The following MAP3K20 variants were observed in gnomAD, a reference collection of about 807,000 sequenced individuals.
MAP3K20 encodes mitogen-activated protein kinase kinase kinase 20.
In MAP3K20, 40 loss-of-function variants were observed where a neutral mutation model predicts 85.7. The observed-to-expected ratio is 0.47, with a 90% CI of 0.36 to 0.61. The LOEUF (loss-of-function observed/expected upper bound fraction) is 0.61, where lower values mean the gene tolerates loss of function less well. Among genes scored for constraint, MAP3K20 ranks in the 20% least tolerant of loss-of-function variants. The probability of loss-of-function intolerance (pLI) is 0.00; values close to 1 mark genes in which losing one functional copy is unlikely to be tolerated. For synonymous variants in MAP3K20, 325 were observed against 327.7 expected (o/e 0.99, Z 0.09); for missense variants, 817 against 961.7 (o/e 0.85, Z 1.99).
At chr2:173,140,058 C>T (rs567145302) in intron 2 of MAP3K20, among the ~76,000 whole-genome samples, 1 of 152,276 alleles carries the variant, frequency 6.6e-6, no homozygotes, top group South Asian at 2.1e-4. Flanking sequence ...GTTGCCCAGG[C>T]AGGAGTGCAA....
intron 2 of MAP3K20, among the ~76,000 whole-genome samples, chr2:173,100,074 G>A (rs1359024243): frequency 6.6e-6 from 1 of 152,210 alleles, no homozygotes; most frequent in African/African-American, 2.4e-5. Flanking sequence ...GGGATCAGAT[G>A]CCACATATAC....
At chr2:173,169,676 C>T in intron 2 of MAP3K20, 129 bp from the exon 3 acceptor site, 3 of 833,010 alleles carry the variant, frequency 3.6e-6, no homozygotes, top group Non-Finnish European at 1.8e-6. Context: ...GCCAAGATCA[C>T]ACCACTGTAC....
chr2:173,261,209 A>G (rs568788606), intron 18 of MAP3K20, 72 bp downstream of exon 18: 66 of 1,508,144 alleles, frequency 4.4e-5, no homozygotes, highest in Admixed American at 7.0e-5. Flanking sequence ...GTTATCTCAG[A>G]GCATATAATT....
chr2:173,120,372 C>T (rs944384462), intron 2 of MAP3K20, among the ~76,000 whole-genome samples: 2 of 151,948 alleles, frequency 1.3e-5, no homozygotes, highest in East Asian at 1.9e-4. Flanking sequence ...CTAGGAGTCA[C>T]CCCATGAACC....
intron 1 of MAP3K20, among the ~76,000 whole-genome samples, chr2:173,089,824 C>T (rs532434623): frequency 2.6e-4 from 40 of 152,220 alleles, no homozygotes; most frequent in African/African-American, 9.1e-4. Context: ...CCACCTGCCT[C>T]GGCCTCCCAA....
intron 16 of MAP3K20, among the ~76,000 whole-genome samples, chr2:173,241,494 T>G (rs1370633216): frequency 6.6e-6 from 1 of 151,960 alleles, no homozygotes; most frequent in Non-Finnish European, 1.5e-5. Flanking sequence ...AAGCCTGTAG[T>G]CCTAGCTACT....
chr2:173,156,053 ACTTTC>A (rs921698795), intron 2 of MAP3K20, among the ~76,000 whole-genome samples: 4 of 152,222 alleles, frequency 2.6e-5, no homozygotes, highest in Non-Finnish European at 5.9e-5. Context: ...ACCCTGGTGT[ACTTTC>A]CTTCTTGCTG....
At chr2:173,261,992 G>A (rs1221074364) in intron 18 of MAP3K20, among the ~76,000 whole-genome samples, 1 of 151,290 alleles carries the variant, frequency 6.6e-6, no homozygotes, top group African/African-American at 2.4e-5. Context: ...ACTCCAGCCT[G>A]GGTGAGACAG....
intron 15 of MAP3K20, 118 bp downstream of exon 15, chr2:173,238,553 ATCTG>A: frequency 1.1e-6 from 1 of 916,304 alleles, no homozygotes. Flanking sequence ...ATTTCATCAT[ATCTG>A]TCTAACAAAA....
At chr2:173,207,194 A>AG (rs1352107452) in intron 9 of MAP3K20, among the ~76,000 whole-genome samples, 1 of 152,176 alleles carries the variant, frequency 6.6e-6, no homozygotes, top group East Asian at 1.9e-4. Flanking sequence ...ATTTCTAAAT[A>AG]GGGAAAAAAA....
chr2:173,238,792 A>G (rs200705553), intron 15 of MAP3K20, among the ~76,000 whole-genome samples: 6 of 152,220 alleles, frequency 3.9e-5, no homozygotes, highest in East Asian at 1.9e-4. Context: ...TCGATCGTCA[A>G]CTTTCATAGG....
At chr2:173,221,211 A>C in intron 11 of MAP3K20, 1 of 1,597,432 alleles carries the variant, frequency 6.3e-7, no homozygotes, top group Non-Finnish European at 8.6e-7. Context: ...AAAACAGAGG[A>C]GTCAAACAGT....
chr2:173,250,694 T>C (rs1162411902), intron 16 of MAP3K20, among the ~76,000 whole-genome samples: 2 of 152,226 alleles, frequency 1.3e-5, no homozygotes, highest in Non-Finnish European at 2.9e-5. Context: ...TGTACATCAT[T>C]ATGAGACATT....
intron 4 of MAP3K20, among the ~76,000 whole-genome samples, chr2:173,187,113 T>A (rs901646475): frequency 6.6e-6 from 1 of 152,160 alleles, no homozygotes; most frequent in African/African-American, 2.4e-5. Flanking sequence ...ACCATAGACA[T>A]CCAGAACTTC....
chr2:173,226,456 A>G, intron 11 of MAP3K20: 16 of 985,608 alleles, frequency 1.6e-5, no homozygotes, highest in Non-Finnish European at 1.8e-5. Flanking sequence ...TTTGAGTAAG[A>G]CTGTTTTCCT....
intron 2 of MAP3K20, among the ~76,000 whole-genome samples, chr2:173,100,903 T>C (rs757006928): frequency 2.0e-5 from 3 of 152,242 alleles, no homozygotes; most frequent in South Asian, 2.1e-4. Flanking sequence ...TGAATAGCCA[T>C]CCATCACTCT....
rs61674716 is a variant in MAP3K20 at position 173,102,469 on chromosome 2, C to T, written c.159+11279C>T. ...GGAATCCAAGATGCTTTTTCTTAGC[C>T]CTGCTAATATCAGATGTTCACTGAT... On this transcript the variant is annotated intron_variant, in intron 2 of 19. Coordinates refer to ENST00000375213, the MANE Select transcript of MAP3K20 (RefSeq NM_016653.3). 4.1e-3 allele frequency among the ~76,000 whole-genome samples: 624 copies of T among 152,152 alleles called. 2 individuals carry two copies. The highest frequency in any genetic ancestry group is 0.014 in the African/African-American group (579 of 41,502).
chr2:173,202,340 G>C (rs1691094834), intron 8 of MAP3K20, among the ~76,000 whole-genome samples: 1 of 152,130 alleles, frequency 6.6e-6, no homozygotes. Flanking sequence ...TCAGAATACA[G>C]GTTGTCAGTT....
intron 13 of MAP3K20, 49 bp downstream of exon 13, chr2:173,232,271 G>A (rs528634324): frequency 1.9e-6 from 3 of 1,613,966 alleles, no homozygotes; most frequent in East Asian, 2.2e-5. Context: ...ACTTTGTTTT[G>A]GATGTGATTT....
Sources: gnomAD v4.1 joint callset for allele counts (sites outside exome capture counted in the v4.1 genomes callset) on GRCh38, gnomAD v4.1.1 for gene constraint, MANE v1.5 for transcripts, NCBI Gene and HGNC (gene_info 2026-07-23, HGNC 2026-07-21) for gene names.